Variants in PDE1C observed in about 807,000 individuals in gnomAD.
The protein encoded by PDE1C is dual specificity calcium/calmodulin-dependent 3',5'-cyclic nucleotide phosphodiesterase 1C.
In PDE1C, 62 loss-of-function variants were observed where a neutral mutation model predicts 93.1. The observed-to-expected ratio is 0.67, with a 90% CI of 0.54 to 0.82. The LOEUF is 0.82. Ranked by LOEUF, PDE1C falls within the 40% of genes least tolerant of loss-of-function variation. PDE1C has a pLI of 0.00. For synonymous variants in PDE1C, 325 were observed against 310.1 expected, an observed-to-expected ratio of 1.05 and a Z score of -0.50; for missense variants, 742 against 884.6, an observed-to-expected ratio of 0.84 and a Z score of 2.04.
At chr7:32,077,623 G>A (rs185903670) in intron 3 of PDE1C, among the ~76,000 whole-genome samples, 1 of 152,140 alleles carries the variant, frequency 6.6e-6, no homozygotes, top group East Asian at 1.9e-4. Flanking sequence ...CCAGGCTGGA[G>A]TGCAGTGGTG....
At chr7:32,119,807 A>C (rs1217008947) in intron 3 of PDE1C, among the ~76,000 whole-genome samples, 1 of 152,218 alleles carries the variant, frequency 6.6e-6, no homozygotes, top group Non-Finnish European at 1.5e-5. Context: ...ATAGGGTCCC[A>C]ACCTTGAAGT....
the PDE1C span, chr7:31,692,655 C>G: frequency 2.6e-6 from 2 of 761,140 alleles, no homozygotes; most frequent in African/African-American, 3.5e-5. Flanking sequence ...TGGTGACAGC[C>G]AACACCAGAT....
intron 1 of PDE1C, chr7:32,209,587 C>T (rs1562582833): frequency 4.8e-6 from 7 of 1,462,884 alleles, no homozygotes; most frequent in Non-Finnish European, 6.5e-6. Context: ...AGCAATGTGT[C>T]CACCAAATAT....
intron 14 of PDE1C, among the ~76,000 whole-genome samples, chr7:31,817,687 T>C (rs908705255): frequency 1.3e-5 from 2 of 152,182 alleles, no homozygotes; most frequent in African/African-American, 4.8e-5. Flanking sequence ...TTTATTTCTT[T>C]TGTGTTAGCC....
At chr7:31,676,014 A>G in the PDE1C span, among the ~76,000 whole-genome samples, 4 of 152,306 alleles carry the variant, frequency 2.6e-5, no homozygotes, top group African/African-American at 7.2e-5. Flanking sequence ...TTGCCTTCAA[A>G]CATGTTAATG....
intron 2 of PDE1C, among the ~76,000 whole-genome samples, chr7:31,996,516 G>A (rs765928411): frequency 5.3e-5 from 8 of 152,168 alleles, no homozygotes; most frequent in Non-Finnish European, 8.8e-5. Flanking sequence ...CTGATGAGGC[G>A]ATTATAGAAT....
intron 3 of PDE1C, among the ~76,000 whole-genome samples, chr7:32,080,320 A>G (rs1796586086): frequency 1.3e-5 from 2 of 152,124 alleles, no homozygotes; most frequent in Non-Finnish European, 2.9e-5. Flanking sequence ...CCCTATGCCT[A>G]ACATACCAAT....
At chr7:32,389,157 CGTGTGTGT>C (rs575896243) in intron 1 of PDE1C, among the ~76,000 whole-genome samples, 88 of 135,778 alleles carry the variant, frequency 6.5e-4, no homozygotes, top group African/African-American at 1.8e-3. Context: ...TGATAGCTGA[CGTGTGTGT>C]GTGTGTGTGT....
intron 2 of PDE1C, among the ~76,000 whole-genome samples, chr7:32,175,085 C>G (rs1161414449): frequency 6.6e-6 from 1 of 152,078 alleles, no homozygotes; most frequent in Non-Finnish European, 1.5e-5. Context: ...GTACCAGCCC[C>G]CACAAAGATA....
chr7:32,033,438 G>A (rs1420552849), intron 2 of PDE1C, among the ~76,000 whole-genome samples: 1 of 152,082 alleles, frequency 6.6e-6, no homozygotes, highest in Non-Finnish European at 1.5e-5. Flanking sequence ...TTGTTATTAA[G>A]GGGATAAATG....
At chr7:31,696,678 T>C in the PDE1C span, among the ~76,000 whole-genome samples, 1 of 152,192 alleles carries the variant, frequency 6.6e-6, no homozygotes, top group Non-Finnish European at 1.5e-5. Context: ...GCACATTTCT[T>C]TGCCTGACTT....
chr7:32,003,447 T>C (rs1052133599), intron 2 of PDE1C, among the ~76,000 whole-genome samples: 2 of 152,246 alleles, frequency 1.3e-5, no homozygotes, highest in Non-Finnish European at 1.5e-5. Flanking sequence ...GATGCAACTG[T>C]GTGGTTCAAG....
intron 3 of PDE1C, among the ~76,000 whole-genome samples, chr7:32,163,217 AT>A (rs1275134097): frequency 2.6e-5 from 4 of 152,172 alleles, no homozygotes; most frequent in African/African-American, 9.7e-5. Context: ...CTAATTGGGA[AT>A]TTTAACCCAT....
chr7:31,764,952 TTCTC>T (rs1034112270), intron 17 of PDE1C, among the ~76,000 whole-genome samples: 12 of 152,206 alleles, frequency 7.9e-5, no homozygotes, highest in African/African-American at 2.9e-4. Context: ...ATCCGAATAT[TTCTC>T]TCTTTCTTCA....
chr7:31,706,632 T>C, the PDE1C span, among the ~76,000 whole-genome samples: 265 of 152,326 alleles, frequency 1.7e-3, 1 homozygote, highest in African/African-American at 6.1e-3. Flanking sequence ...TCCCTGGATG[T>C]AGTAAAATGC....
intron 7 of PDE1C, among the ~76,000 whole-genome samples, chr7:31,863,075 T>G (rs900690956): frequency 1.3e-5 from 2 of 152,190 alleles, no homozygotes; most frequent in Non-Finnish European, 2.9e-5. Context: ...TGAGGGAAAC[T>G]GACATCTATA....
chr7:31,628,602 C>G, the PDE1C span, among the ~76,000 whole-genome samples: 1 of 152,040 alleles, frequency 6.6e-6, no homozygotes, highest in Non-Finnish European at 1.5e-5. Flanking sequence ...GGACTACAGG[C>G]GCCCGCCACC....
chr7:32,238,007 T>C (rs988857780), intron 1 of PDE1C, among the ~76,000 whole-genome samples: 7 of 151,984 alleles, frequency 4.6e-5, no homozygotes, highest in African/African-American at 1.7e-4. Flanking sequence ...CGATCTCAGG[T>C]GATCCGCCCA....
chr7:31,886,083 T>C (rs1202662882), intron 2 of PDE1C, among the ~76,000 whole-genome samples: 1 of 152,180 alleles, frequency 6.6e-6, no homozygotes, highest in African/African-American at 2.4e-5. Flanking sequence ...TGAAAGGATA[T>C]GAGAGAGAAC....
Sources: allele counts gnomAD v4.1 joint callset (sites outside exome capture counted in the v4.1 genomes callset), GRCh38; gene constraint gnomAD v4.1.1; transcripts MANE v1.5; gene names NCBI Gene and HGNC (gene_info 2026-07-23, HGNC 2026-07-21).